Variants in TAF1 observed in about 807,000 individuals in gnomAD.
The protein encoded by TAF1 is transcription initiation factor TFIID subunit 1.
Under a neutral mutation model 138.5 loss-of-function variants are expected in TAF1, and 2 were observed. The observed-to-expected ratio is 0.01, with a 90% CI of 0.01 to 0.05. The LOEUF is 0.05. Ranked by LOEUF, TAF1 falls within the 10% of genes least tolerant of loss-of-function variation. TAF1 has a pLI of 1.00. For synonymous variants in TAF1, 437 were observed against 503.2 expected (o/e 0.87, Z 1.76); for missense variants, 709 against 1,478.0 (o/e 0.48, Z 8.53).
Position 71,382,523 on chromosome X carries a change from G to T in TAF1, c.1538-13G>T. The T allele has an allele frequency of 1.7e-6, 2 of 1,201,230 alleles. No homozygotes were observed. The highest frequency in any genetic ancestry group is 3.6e-5 in the South Asian group (2 of 54,899). On this transcript the variant is annotated splice_polypyrimidine_tract_variant and intron_variant, in intron 9 of 37. Coordinates refer to ENST00000423759, the MANE Select transcript of TAF1 (RefSeq NM_004606.5). Reference sequence around the variant, plus strand: ...AGGGAGAGCAACTCAAGTGATTTTTGTTTTATTCTCAGAAATTCCTGATGA... The same window carrying T: ...AGGGAGAGCAACTCAAGTGATTTTTTTTTTATTCTCAGAAATTCCTGATGA...
At position 71,512,320 on chromosome X, in the gene TAF1, C is replaced by CA. The variant is rs111881944; in HGVS notation, c.1367-16216dup. ...ACAGTGCGAGACTCTGTCTCAAAAA[C>CA]AAAAAACAAAACAAAACAAAAAACT... On this transcript the variant is annotated intron_variant and NMD_transcript_variant, in intron 13 of 14. Coordinates refer to the TAF1 transcript ENST00000373775. 9.8e-3 allele frequency among the ~76,000 whole-genome samples: 1,079 copies of CA among 110,500 alleles called. 15 individuals are homozygous for CA. Among genetic ancestry groups the CA allele is most frequent in the African/African-American group, 0.033 (999 of 30,402 alleles).
At chrX:71,468,340 A>G (rs773916297), downstream of TAF1, among the ~76,000 whole-genome samples, 3 of 110,921 alleles carry the variant, frequency 2.7e-5, no homozygotes, top group East Asian at 2.8e-4. Flanking sequence ...AGAGATGAAC[A>G]TGAAGATCCA....
intron 13 of TAF1, among the ~76,000 whole-genome samples, chrX:71,518,821 G>A (rs1218468987): frequency 4.0e-5 from 4 of 99,579 alleles, no homozygotes; most frequent in Non-Finnish European, 6.0e-5. Flanking sequence ...TCAGCCTCCC[G>A]AGTAGGTGGA....
intron 28 of TAF1, among the ~76,000 whole-genome samples, chrX:71,412,732 C>T (rs758813614): frequency 5.4e-5 from 6 of 111,407 alleles, no homozygotes; most frequent in Non-Finnish European, 9.4e-5. Flanking sequence ...GGGCTATAGG[C>T]GCGTGCCACC....
At chrX:71,377,954 T>C (rs1257228985) in intron 6 of TAF1, 133 bp downstream of exon 6, 44 of 828,927 alleles carry the variant, frequency 5.3e-5, no homozygotes, top group Non-Finnish European at 7.3e-5. Context: ...CAATGAGTAA[T>C]CATGGGTTCA....
intron 32 of TAF1, among the ~76,000 whole-genome samples, chrX:71,443,166 A>C (rs1228843738): frequency 9.0e-6 from 1 of 111,422 alleles, no homozygotes; most frequent in African/African-American, 3.3e-5. Flanking sequence ...TTCCATATGA[A>C]CTTCGAAGTA....
At chrX:71,377,537 C>G (rs2033565605) in intron 5 of TAF1, 66 bp from the exon 6 acceptor site, 1 of 1,137,143 alleles carries the variant, frequency 8.8e-7, no homozygotes, top group Admixed American at 2.6e-5. Context: ...AGTTTTCAGG[C>G]CCAGATGCTG....
intron 3 of TAF1, among the ~76,000 whole-genome samples, chrX:71,374,229 C>T (rs2033307774): frequency 9.1e-6 from 1 of 110,140 alleles, no homozygotes; most frequent in South Asian, 3.8e-4. Context: ...ATTACAGGCA[C>T]ATGCCACCAC....
At chrX:71,483,671 A>G (rs2039113871) in intron 13 of TAF1, among the ~76,000 whole-genome samples, 2 of 106,355 alleles carry the variant, frequency 1.9e-5, no homozygotes, top group African/African-American at 6.9e-5. Context: ...GAGGTGGATA[A>G]GGGAAACCTC....
intron 13 of TAF1, among the ~76,000 whole-genome samples, chrX:71,512,905 G>A (rs183318171): frequency 3.6e-5 from 4 of 112,433 alleles, no homozygotes; most frequent in East Asian, 5.5e-4. Context: ...AGCTTTCAAC[G>A]AGGAAGGAAT....
chrX:71,484,559 T>G (rs1048283917), intron 13 of TAF1, among the ~76,000 whole-genome samples: 1 of 111,438 alleles, frequency 9.0e-6, no homozygotes, highest in African/African-American at 3.3e-5. Context: ...CTCGAACTCC[T>G]GACCTCAGGT....
At position 71,401,722 on chromosome X, in the gene TAF1, G is replaced by A. The variant is rs997760859; in HGVS notation, c.3981G>A (p.Gly1327=). 1.7e-6 allele frequency: 2 copies of A among 1,211,286 alleles called. No homozygotes were observed. Among genetic ancestry groups the A allele is most frequent in the Non-Finnish European group, 2.2e-6 (2 of 895,126 alleles). The change falls in exon 25 of 38, where the codon GGG becomes GGA. Residue 1327 remains glycine (G), a synonymous_variant. Transcript: ENST00000423759. ...TTGAAGGGACCAAAATTGTCTTGGGGAAACAGCTAATTGAGAGGTAAGAGA... is the reference window on the plus strand; with the variant it reads ...TTGAAGGGACCAAAATTGTCTTGGGAAAACAGCTAATTGAGAGGTAAGAGA... ...IKVEGTKIVL[G]KQLIESADEV...
At chrX:71,461,125 C>T (rs2038534184) in intron 37 of TAF1, among the ~76,000 whole-genome samples, 1 of 110,811 alleles carries the variant, frequency 9.0e-6, no homozygotes, top group African/African-American at 3.3e-5. Flanking sequence ...GGGAAAGTTT[C>T]ACAGACAAGG....
chrX:71,431,689 G>A (rs1336903773), intron 32 of TAF1, among the ~76,000 whole-genome samples: 2 of 110,587 alleles, frequency 1.8e-5, no homozygotes, highest in Non-Finnish European at 3.8e-5. Flanking sequence ...GGCCGAGGCT[G>A]GTGGATCATG....
In TAF1 at chrX:71,400,484, AAAG is replaced by A. The variant is rs761971540; in HGVS notation, c.3787-1040_3787-1038del. The stretch of plus-strand genomic sequence containing the variant: ...TACCTTTAAAATATTGTACATATTA[AAAG>A]AAGCAACAAAAGTAAAACATACAAG... On this transcript the variant is annotated intron_variant, in intron 24 of 37. Coordinates refer to ENST00000423759, the MANE Select transcript of TAF1 (RefSeq NM_004606.5). 1.6e-3 allele frequency among the ~76,000 whole-genome samples: 177 copies of A among 112,284 alleles called. 1 individual carries two copies. The highest frequency in any genetic ancestry group is 9.1e-3 in the Middle Eastern group (2 of 219).
At chrX:71,455,728 T>C (rs1212807843) in intron 34 of TAF1, among the ~76,000 whole-genome samples, 1 of 112,470 alleles carries the variant, frequency 8.9e-6, no homozygotes, top group Admixed American at 9.4e-5. Flanking sequence ...GCCTGACACA[T>C]CTTTATCTGT....
intron 6 of TAF1, 115 bp from the exon 7 acceptor site, chrX:71,378,120 C>T: frequency 1.3e-6 from 1 of 746,472 alleles, no homozygotes; most frequent in Non-Finnish European, 2.0e-6. Flanking sequence ...ATTCTAACTC[C>T]AGGTAAATCA....
intron 34 of TAF1, 178 bp downstream of exon 34, chrX:71,455,035 G>C: frequency 1.7e-6 from 2 of 1,157,868 alleles, no homozygotes; most frequent in Non-Finnish European, 2.3e-6. Context: ...CATGGGTCTT[G>C]GTGGCCTTGA....
intron 13 of TAF1, among the ~76,000 whole-genome samples, chrX:71,519,302 G>A (rs1383179279): frequency 9.9e-6 from 1 of 100,852 alleles, no homozygotes; most frequent in Non-Finnish European, 2.0e-5. Flanking sequence ...TAGCCTGGGC[G>A]ACAGAGCGAG....
Sources: gnomAD v4.1 joint callset for allele counts (sites outside exome capture counted in the v4.1 genomes callset) on GRCh38, gnomAD v4.1.1 for gene constraint, MANE v1.5 for transcripts, NCBI Gene and HGNC (gene_info 2026-07-23, HGNC 2026-07-21) for gene names.